The following GRIN3B variants were observed in gnomAD, a reference collection of about 807,000 sequenced individuals.
GRIN3B encodes glutamate ionotropic receptor NMDA type subunit 3B, also known as glutamate receptor ionotropic, NMDA 3B.
GRIN3B carries 77 observed loss-of-function variants against 66.0 expected under a neutral mutation model. The observed-to-expected ratio is 1.17, with a 90% CI of 0.97 to 1.41. The LOEUF (loss-of-function observed/expected upper bound fraction) is 1.41, where lower values mean the gene tolerates loss of function less well. GRIN3B is among the 40% of genes most tolerant of loss of function. The pLI is 0.00. For synonymous variants in GRIN3B, 823 were observed against 749.7 expected (o/e 1.10, Z -1.60); for missense variants, 1,787 against 1,564.5 (o/e 1.14, Z -2.40).
At chr19:1,008,478 G>A (rs1024469966) in intron 6 of GRIN3B, 140 bp from the exon 7 acceptor site, 4 of 1,093,130 alleles carry the variant, frequency 3.7e-6, no homozygotes, top group East Asian at 2.5e-5. Context: ...ACTCCCCCCA[G>A]CCATGGAGTC....
At position 1,007,518 on chromosome 19, in the gene GRIN3B, C is replaced by A. The variant is rs1358515729; in HGVS notation, c.2053-110C>A. 3.6e-5 allele frequency: 46 copies of A among 1,267,972 alleles called. No homozygotes were observed. Among genetic ancestry groups the A allele is most frequent in the Middle Eastern group, 2.9e-4 (1 of 3,466 alleles). 78.5% of individuals were successfully genotyped at this position (1,267,972 alleles called of 1,614,324 possible). On this transcript the variant is annotated intron_variant, in intron 3 of 8. Transcript: ENST00000234389. This position sits in a 1 kb window ranked among gnomAD's most constrained non-coding sequence, Gnocchi z 4.4. ...AGTGGGTGGAGGCCAGGAATGCAGC[C>A]TCGGCGCCCTGCAGTGCCCAGGACG...
In GRIN3B at chr19:1,004,910, G is replaced by T. The variant is rs1253903191; in HGVS notation, c.1409G>T (p.Arg470Leu). 1 of 1,611,526 alleles carries T rather than the reference G, an allele frequency of 6.2e-7. No individual in the cohort carries two copies. Among genetic ancestry groups the T allele is most frequent in the East Asian group, 2.2e-5 (1 of 44,874 alleles). Residue 470 changes from arginine (R) to leucine (L), a missense_variant, in exon 3 of 9, where the codon CGT becomes CTT. Arg to Leu is a moderately radical substitution (Grantham distance 102). Coordinates refer to ENST00000234389, the MANE Select transcript of GRIN3B (RefSeq NM_138690.3). The part of the protein sequence containing the change: ...FAALANGSAP[R>L]ALRKCCYGYC... ...GCGCTGGCCAACGGCTCAGCGCCCC[G>T]TGCCCTGCGCAAGTGCTGCTACGGC...
chr19:1,001,764 G>A lies in GRIN3B; in HGVS notation c.426+901G>A, dbSNP rs1349888351. ...CTTAGCCCAGCTCTCCAGGTGTCAA[G>A]GGGACCCCTGTCCCCCCACCGCCCT... On this transcript the variant is annotated intron_variant, in intron 1 of 8. Transcript: ENST00000234389. Among the ~76,000 whole-genome samples the A allele has an allele frequency of 2.6e-5, 4 of 152,110 alleles. No individual in the cohort carries two copies. In the East Asian group the frequency reaches 5.8e-4, roughly 22 times the overall value.
intron 6 of GRIN3B, 85 bp downstream of exon 6, chr19:1,008,376 C>G: frequency 7.8e-7 from 1 of 1,287,122 alleles, no homozygotes; most frequent in Non-Finnish European, 1.1e-6. Flanking sequence ...AACCCCAGTG[C>G]TCATTCCCCA....
chr19:1,000,970 G>A, intron 1 of GRIN3B, 107 bp downstream of exon 1: 1 of 1,182,698 alleles, frequency 8.5e-7, no homozygotes, highest in Non-Finnish European at 1.1e-6. Context: ...ACTACGCAGG[G>A]AAGGGGGATC....
rs1467671655 is a variant in GRIN3B, at chr19:1,004,615, A to C, written c.1114A>C (p.Ser372Arg). 1.9e-6 allele frequency: 3 copies of C among 1,599,384 alleles called. No homozygotes were observed. In the South Asian group the frequency reaches 3.3e-5, roughly 18 times the overall value. The change falls in exon 3 of 9, where the codon AGC becomes CGC. Residue 372 changes from serine (S) to arginine (R), a missense_variant. Physicochemically the swap from Ser to Arg is moderately radical, Grantham distance 110. Transcript: ENST00000234389. ...VHMSRHFKVW[S>R]LRRDPRGAPA... ...CATGTCTCGGCACTTTAAGGTGTGG[A>C]GCCTTCGCCGGGACCCACGGGGCGC...
In GRIN3B at chr19:1,003,604, G is replaced by T; in HGVS notation, c.901G>T (p.Ala301Ser). 6.8e-7 allele frequency: 1 copy of T among 1,460,606 alleles called. No individual in the cohort carries two copies. The allele number at this position is 1,460,606 out of a possible 1,614,324, so 90.5% of individuals were successfully genotyped here. A position where few individuals can be genotyped will look rare whatever the true frequency, so the allele number is the denominator to read the frequency against. The change falls in exon 2 of 9, where the codon GCC (alanine) becomes TCC (serine). Residue 301 changes from alanine to serine, a missense_variant. Ala to Ser is a moderately conservative substitution (Grantham distance 99). Coordinates refer to ENST00000234389, the MANE Select transcript of GRIN3B (RefSeq NM_138690.3). ...AAIHDIVQLV[A>S]RALGSAAQVQ... ...CATCCATGACATTGTGCAACTGGTG[G>T]CCCGGGCGCTGGGCAGTGCGGCCCA...
Position 1,000,580 on chromosome 19 carries a change from TCGCCCGCGCCCG to T in GRIN3B, c.154_165del (p.Arg52_Ala55del), listed in dbSNP as rs889167389. On this transcript the variant is annotated inframe_deletion, in exon 1 of 9. Coordinates refer to ENST00000234389, the MANE Select transcript of GRIN3B (RefSeq NM_138690.3). ...GGCGCCCTCCTGCCCCGCGCGCCTC[TCGCCCGCGCCCG>T]CGCCCGCGCCGCCCTGGCCCGGGCC... 12 of 1,027,732 alleles carry T rather than the reference TCGCCCGCGCCCG, an allele frequency of 1.2e-5. No homozygotes were observed. The highest frequency in any genetic ancestry group is 9.1e-5 in the East Asian group (1 of 10,944). The allele number at this position is 1,027,732 out of a possible 1,614,324, so 63.7% of individuals were successfully genotyped here.
Position 1,004,577 on chromosome 19 carries a change from G to A in GRIN3B, c.1076G>A (p.Ser359Asn), listed in dbSNP as rs778317218. The stretch of plus-strand genomic sequence containing the variant: ...ACGGGCCCCGTGTGGGTGACAGGCA[G>A]CTCCCAGGTACACATGTCTCGGCAC... ...GRTGPVWVTGSSQVHMSRHFK... is the reference protein window; with the variant it reads ...GRTGPVWVTGNSQVHMSRHFK... Residue 359 changes from serine (S) to asparagine (N), a missense_variant, in exon 3 of 9, where the codon AGC (serine) becomes AAC (asparagine). By Grantham distance (46) the Ser-to-Asn change is conservative. Coordinates refer to ENST00000234389, the MANE Select transcript of GRIN3B (RefSeq NM_138690.3). 3.3e-6 allele frequency: 5 copies of A among 1,515,668 alleles called. No individual in the cohort carries two copies. In the South Asian group the frequency reaches 5.6e-5, roughly 17 times the overall value. 93.9% of individuals were successfully genotyped at this position (1,515,668 alleles called of 1,614,324 possible). A position where few individuals can be genotyped will look rare whatever the true frequency, so the allele number is the denominator to read the frequency against.
At position 1,009,472 on chromosome 19, in the gene GRIN3B, T is replaced by C; in HGVS notation, c.3002T>C (p.Leu1001Pro). The C allele has an allele frequency of 6.7e-7, 1 of 1,484,264 alleles. No homozygotes were observed. The highest frequency in any genetic ancestry group is 8.9e-7 in the Non-Finnish European group (1 of 1,124,086). 91.9% of individuals were successfully genotyped at this position (1,484,264 alleles called of 1,614,324 possible). A position where few individuals can be genotyped will look rare whatever the true frequency, so the allele number is the denominator to read the frequency against. Reference protein sequence around the residue: ...EVARERLRQALVRRGQLLAQL... With the variant: ...EVARERLRQAPVRRGQLLAQL... Reference sequence around the variant, plus strand: ...GCGCGTGAGCGGCTCCGCCAGGCCCTGGTGCGGCGCGGCCAGCTCCTGGCA... The same window carrying C: ...GCGCGTGAGCGGCTCCGCCAGGCCCCGGTGCGGCGCGGCCAGCTCCTGGCA... Residue 1001 changes from leucine to proline, a missense_variant, in exon 9 of 9, where the codon CTG (leucine) becomes CCG (proline). By Grantham distance (98) the Leu-to-Pro change is moderately conservative. Coordinates refer to ENST00000234389, the MANE Select transcript of GRIN3B (RefSeq NM_138690.3).
chr19:1,009,394 C>G lies in GRIN3B; in HGVS notation c.2924C>G (p.Thr975Arg), dbSNP rs778400426. ...SYGRPPAARP[T>R]GAPQPGELQE... ...GGCCGCCCGCCCGCCGCAAGGCCCA[C>G]GGGGGCCCCCCAGCCCGGGGAGCTG... The change falls in exon 9 of 9, where the codon ACG (threonine) becomes AGG (arginine). Residue 975 changes from threonine to arginine, a missense_variant. Transcript: ENST00000234389. The G allele has an allele frequency of 3.5e-6, 5 of 1,413,672 alleles. No homozygotes were observed. Among genetic ancestry groups the G allele is most frequent in the South Asian group, 1.4e-5 (1 of 69,086 alleles). The allele number at this position is 1,413,672 out of a possible 1,614,324, so 87.6% of individuals were successfully genotyped here.
chr19:1,005,419 C>T lies in GRIN3B; in HGVS notation c.1918C>T (p.Pro640Ser). ...RTVSSKTPKC[P>S]TGRLLMNLWA... ...CGTGTCCAGCAAGACGCCCAAGTGC[C>T]CCACGGGCCGCCTGCTCATGAACCT... The change falls in exon 3 of 9, where the codon CCC (proline) becomes TCC (serine). Residue 640 changes from proline (P) to serine (S), a missense_variant. Transcript: ENST00000234389. The surrounding 1 kb of genome is among the most constrained non-coding windows in gnomAD (Gnocchi z 5.2). The T allele has an allele frequency of 1.2e-6, 2 of 1,613,662 alleles. No homozygotes were observed. The highest frequency in any genetic ancestry group is 1.7e-6 in the Non-Finnish European group (2 of 1,179,988).
Position 1,005,357 on chromosome 19 carries a change from C to G in GRIN3B, c.1856C>G (p.Ala619Gly). 1 of 1,613,794 alleles carries G rather than the reference C, an allele frequency of 6.2e-7. No individual in the cohort carries two copies. The highest frequency in any genetic ancestry group is 8.5e-7 in the Non-Finnish European group (1 of 1,180,008). Residue 619 changes from alanine to glycine, a missense_variant, in exon 3 of 9, where the codon GCC (alanine) becomes GGC (glycine). Ala to Gly is a moderately conservative substitution (Grantham distance 60, BLOSUM62 0). Transcript: ENST00000234389. The surrounding 1 kb of genome is among the most constrained non-coding windows in gnomAD (Gnocchi z 5.2). ...AGCACCGTCTTCTCCTACTCCTCAG[C>G]CCTCAACCTGTGCTACGCCATCCTC... ...NRSTVFSYSS[A>G]LNLCYAILFR...
rs1292797212 is a variant in GRIN3B, at chr19:1,008,643, T to C, written c.2492T>C (p.Phe831Ser). Residue 831 changes from phenylalanine (F) to serine (S), a missense_variant, in exon 7 of 9, where the codon TTC becomes TCC. Coordinates refer to ENST00000234389, the MANE Select transcript of GRIN3B (RefSeq NM_138690.3). ...ACCCTGCAGATGAGCATCTACCACT[T>C]CGCGGGCCTCTTCGTGTTGCTGTGC... ...TETLQMSIYH[F>S]AGLFVLLCLG... 6.2e-7 allele frequency: 1 copy of C among 1,601,488 alleles called. No homozygotes were observed. The highest frequency in any genetic ancestry group is 8.5e-7 in the Non-Finnish European group (1 of 1,179,498).
rs759465790 is a variant in GRIN3B at position 1,008,941 on chromosome 19, G to A, written c.2702+14G>A. 3.8e-6 allele frequency: 6 copies of A among 1,596,574 alleles called. No homozygotes were observed. Among genetic ancestry groups the A allele is most frequent in the East Asian group, 2.3e-5 (1 of 43,902 alleles). On this transcript the variant is annotated intron_variant, in intron 8 of 8. Transcript: ENST00000234389. ...GGCGGAGCCCAGGTAAGTGGTGGTCGGGGCGGACCACGATGCAGGACCACC... is the reference window on the plus strand; with the variant it reads ...GGCGGAGCCCAGGTAAGTGGTGGTCAGGGCGGACCACGATGCAGGACCACC...
intron 1 of GRIN3B, among the ~76,000 whole-genome samples, chr19:1,002,363 C>CAAAAAAAAAA (rs71335327): frequency 4.3e-3 from 320 of 73,894 alleles, no homozygotes; most frequent in Middle Eastern, 8.9e-3. Flanking sequence ...ACTAAAAATA[C>CAAAAAAAAAA]AAAAAAAAAA....
rs2038799698 is a variant in GRIN3B at position 1,008,905 on chromosome 19, G to A, written c.2680G>A (p.Glu894Lys). ...GGAGCCACCAGAGGGGTCGAAGGAG[G>A]AGACGGCAGAGGCGGAGCCCAGGTA... The part of the protein sequence containing the change: ...NTEPPEGSKE[E>K]TAEAEPSGPE... The change falls in exon 8 of 9, where the codon GAG becomes AAG. Residue 894 changes from glutamate (E) to lysine (K), a missense_variant. Physicochemically the swap from Glu to Lys is moderately conservative, Grantham distance 56. Coordinates refer to ENST00000234389, the MANE Select transcript of GRIN3B (RefSeq NM_138690.3). 9 of 1,609,850 alleles carry A rather than the reference G, an allele frequency of 5.6e-6. No homozygotes were observed. Among genetic ancestry groups the A allele is most frequent in the Admixed American group, 5.0e-5 (3 of 59,824 alleles).
chr19:1,008,612 C>T lies in GRIN3B; in HGVS notation c.2467-6C>T, dbSNP rs1301924547. ...CCGTGCGGGGCTCCTGCTGTGTTGC[C>T]CCCAGACCCTGCAGATGAGCATCTA... On this transcript the variant is annotated splice_region_variant and splice_polypyrimidine_tract_variant and intron_variant, in intron 6 of 8. Coordinates refer to ENST00000234389, the MANE Select transcript of GRIN3B (RefSeq NM_138690.3). 2 of 1,596,128 alleles carry T rather than the reference C, an allele frequency of 1.3e-6. No individual in the cohort carries two copies. Among genetic ancestry groups the T allele is most frequent in the Non-Finnish European group, 8.5e-7 (1 of 1,177,372 alleles).
intron 3 of GRIN3B, among the ~76,000 whole-genome samples, chr19:1,006,817 G>T (rs754734081): frequency 6.6e-6 from 1 of 152,204 alleles, no homozygotes; most frequent in Non-Finnish European, 1.5e-5. Flanking sequence ...CAGCTGAGCC[G>T]TCAAAGCCTT....
Sources: allele counts gnomAD v4.1 joint callset (sites outside exome capture counted in the v4.1 genomes callset), GRCh38; gene constraint gnomAD v4.1.1; non-coding constraint Gnocchi (gnomAD v3.1); transcripts MANE v1.5; gene names NCBI Gene and HGNC (gene_info 2026-07-23, HGNC 2026-07-21).